The following SNX33 variants were observed in gnomAD, a reference collection of about 807,000 sequenced individuals.
SNX33 encodes the protein sorting nexin-33.
A neutral mutation model predicts 38.8 loss-of-function variants in SNX33; 19 were observed. That is an observed-to-expected ratio of 0.49 (90% confidence interval 0.34 to 0.72). The LOEUF (loss-of-function observed/expected upper bound fraction) is 0.72. Ranked by LOEUF, SNX33 falls within the 30% of genes least tolerant of loss-of-function variation. The pLI, the probability that SNX33 is intolerant of heterozygous loss-of-function variation, is 0.01. For missense variants in SNX33, 641 were observed against 776.4 expected, an observed-to-expected ratio of 0.83 and a Z score of 2.07; for synonymous variants, 246 against 289.7, an observed-to-expected ratio of 0.85 and a Z score of 1.53.
chr15:75,657,278 C>A lies in SNX33; in HGVS notation c.*63C>A. 1 of 1,597,562 alleles carries A rather than the reference C, an allele frequency of 6.3e-7. No individual in the cohort carries two copies. Among genetic ancestry groups the A allele is most frequent in the South Asian group, 1.1e-5 (1 of 89,178 alleles). On this transcript the variant is annotated 3_prime_UTR_variant, in exon 2 of 2. Coordinates refer to ENST00000308527, the MANE Select transcript of SNX33 (RefSeq NM_153271.2). The surrounding 1 kb of genome is among the most constrained non-coding windows in gnomAD (Gnocchi z 5.5). ...GTCACTGCAGTGTACCCCACTTTCC[C>A]GACCTCCCTATACCAGCAGTGACTG... is the stretch of plus-strand genomic sequence containing the variant.
Position 75,649,654 on chromosome 15 carries a change from C to A in SNX33, c.552C>A (p.Asn184Lys). ...KRGSVVGRNLNRFSCFVRSGV... is the reference protein window; with the variant it reads ...KRGSVVGRNLKRFSCFVRSGV... ...GCAGTGTGGTGGGCCGTAACCTCAA[C>A]CGTTTCTCATGCTTTGTGCGTTCTG... The change falls in exon 1 of 2, where the codon AAC (asparagine) becomes AAA (lysine). Residue 184 changes from asparagine to lysine, a missense_variant. Around this residue, in one of 2 missense-constraint regions of SNX33, gnomAD observed 398 missense variants for 542.5 expected, o/e 0.73. Coordinates refer to ENST00000308527, the MANE Select transcript of SNX33 (RefSeq NM_153271.2). The surrounding 1 kb of genome is among the most constrained non-coding windows in gnomAD (Gnocchi z 6.6). 2 of 1,602,436 alleles carry A rather than the reference C, an allele frequency of 1.2e-6. No individual in the cohort carries two copies. Among genetic ancestry groups the A allele is most frequent in the Admixed American group, 1.7e-5 (1 of 58,094 alleles).
intron 1 of SNX33, among the ~76,000 whole-genome samples, chr15:75,653,300 A>G (rs1195785787): frequency 6.6e-6 from 1 of 152,184 alleles, no homozygotes; most frequent in East Asian, 1.9e-4. Context: ...AAGGGTAACC[A>G]TATAATTAAC....
rs1893517864 is a variant in SNX33 at position 75,647,978 on chromosome 15, G to A, written c.-1125G>A. ...GGGTCTGCGAGCGCCGGGGAAGGCA[G>A]GCTGGGGGCGCAGCCCGCCCCCCAC... is the stretch of plus-strand genomic sequence containing the variant. On this transcript the variant is annotated 5_prime_UTR_variant, in exon 1 of 2. Transcript: ENST00000308527. 1.0e-6 allele frequency: 1 copy of A among 985,334 alleles called. No individual in the cohort carries two copies. The highest frequency in any genetic ancestry group is 6.1e-5 in the Admixed American group (1 of 16,270). 61.0% of individuals were successfully genotyped at this position (985,334 alleles called of 1,614,324 possible). A position where few individuals can be genotyped will look rare whatever the true frequency, so the allele number is the denominator to read the frequency against.
In SNX33 at chr15:75,650,050, C is replaced by T. The variant is rs773233325; in HGVS notation, c.948C>T (p.His316=). Residue 316 remains histidine, a synonymous_variant, in exon 1 of 2, where the codon CAC becomes CAT. Transcript: ENST00000308527. This position sits in a 1 kb window ranked among gnomAD's most constrained non-coding sequence, Gnocchi z 6.1. ...GGAGACTCATCCTCTGGATGGACCA[C>T]ATGACCAGCCACCCTGTGCTCTCCC... ...RKRRLILWMD[H]MTSHPVLSQY... is the part of the protein sequence containing the mutation. 1 of 1,612,610 alleles carries T rather than the reference C, an allele frequency of 6.2e-7. No individual in the cohort carries two copies. The highest frequency in any genetic ancestry group is 8.5e-7 in the Non-Finnish European group (1 of 1,179,292).
In SNX33 at chr15:75,649,923, A is replaced by G; in HGVS notation, c.821A>G (p.Tyr274Cys). The change falls in exon 1 of 2, where the codon TAT becomes TGT. Residue 274 changes from tyrosine (Y) to cysteine (C), a missense_variant. By Grantham distance (194) the Tyr-to-Cys change is radical. This residue lies in a region of SNX33 where 398 missense variants were observed against 542.5 expected (regional missense o/e 0.73). Coordinates refer to ENST00000308527, the MANE Select transcript of SNX33 (RefSeq NM_153271.2). This position sits in a 1 kb window ranked among gnomAD's most constrained non-coding sequence, Gnocchi z 6.6. ...CGCTACAAACACTTTGACTGGCTCT[A>G]TAACCGCCTGCTACACAAGTTCACT... ...YRRYKHFDWL[Y>C]NRLLHKFTVI... 4 of 1,597,626 alleles carry G rather than the reference A, an allele frequency of 2.5e-6. No homozygotes were observed. The highest frequency in any genetic ancestry group is 1.1e-5 in the South Asian group (1 of 88,206).
At chr15:75,651,709 G>C (rs1191831193) in intron 1 of SNX33, among the ~76,000 whole-genome samples, 1 of 152,388 alleles carries the variant, frequency 6.6e-6, no homozygotes, top group East Asian at 1.9e-4. Flanking sequence ...CAGGAGAGAG[G>C]TGTGATCCTC....
At chr15:75,655,366 C>T (rs1466408268) in intron 1 of SNX33, among the ~76,000 whole-genome samples, 2 of 152,202 alleles carry the variant, frequency 1.3e-5, no homozygotes, top group Non-Finnish European at 2.9e-5. Flanking sequence ...GGGGTGATCC[C>T]CCTTCTGCTG....
In SNX33 at chr15:75,649,071, C is replaced by A. The variant is rs1320813706; in HGVS notation, c.-32C>A. 2 of 1,549,846 alleles carry A rather than the reference C, an allele frequency of 1.3e-6. No homozygotes were observed. Among genetic ancestry groups the A allele is most frequent in the Non-Finnish European group, 1.7e-6 (2 of 1,146,044 alleles). On this transcript the variant is annotated 5_prime_UTR_variant, in exon 1 of 2. Coordinates refer to ENST00000308527, the MANE Select transcript of SNX33 (RefSeq NM_153271.2). The surrounding 1 kb of genome is among the most constrained non-coding windows in gnomAD (Gnocchi z 6.6). Reference sequence around the variant, plus strand: ...TCCCCGGTCTGGGCAGGACCCTCTCCTTCCCATCTTTCTATACCACCCAGC... The same window carrying A: ...TCCCCGGTCTGGGCAGGACCCTCTCATTCCCATCTTTCTATACCACCCAGC...
At position 75,650,470 on chromosome 15, in the gene SNX33, G is replaced by T. The variant is rs1015086590; in HGVS notation, c.1368G>T (p.Met456Ile). ...GTACCTATGAAGCCATCGGGGAGAT[G>T]TTTGCTGAGCAGCCCAAGAATGACC... ...TGRTYEAIGE[M>I]FAEQPKNDLF... Residue 456 changes from methionine (M) to isoleucine (I), a missense_variant, in exon 1 of 2, where the codon ATG becomes ATT. Met to Ile is a conservative substitution (Grantham distance 10). Around this residue, in one of 2 missense-constraint regions of SNX33, gnomAD observed 398 missense variants for 542.5 expected, o/e 0.73. Coordinates refer to ENST00000308527, the MANE Select transcript of SNX33 (RefSeq NM_153271.2). The surrounding 1 kb of genome is among the most constrained non-coding windows in gnomAD (Gnocchi z 6.1). 1.9e-6 allele frequency: 3 copies of T among 1,614,164 alleles called. No individual in the cohort carries two copies. The highest frequency in any genetic ancestry group is 2.5e-6 in the Non-Finnish European group (3 of 1,180,032).
chr15:75,655,878 C>T (rs564046654), intron 1 of SNX33, among the ~76,000 whole-genome samples: 10 of 152,296 alleles, frequency 6.6e-5, no homozygotes, highest in African/African-American at 2.4e-4. Flanking sequence ...CAGCCCTCGG[C>T]GACTGAGTGC....
Position 75,647,984 on chromosome 15 carries a change from G to C in SNX33, c.-1119G>C. The C allele has an allele frequency of 1.0e-6, 1 of 985,440 alleles. No individual in the cohort carries two copies. The highest frequency in any genetic ancestry group is 1.2e-6 in the Non-Finnish European group (1 of 829,940). The allele number at this position is 985,440 out of a possible 1,614,324, so 61.0% of individuals were successfully genotyped here. A position where few individuals can be genotyped will look rare whatever the true frequency, so the allele number is the denominator to read the frequency against. Reference sequence around the variant, plus strand: ...GCGAGCGCCGGGGAAGGCAGGCTGGGGGCGCAGCCCGCCCCCCACTGGCCG... The same window carrying C: ...GCGAGCGCCGGGGAAGGCAGGCTGGCGGCGCAGCCCGCCCCCCACTGGCCG... On this transcript the variant is annotated 5_prime_UTR_variant, in exon 1 of 2. Transcript: ENST00000308527.
rs1241643653 is a variant in SNX33, at chr15:75,660,291, T to A, written c.*3076T>A. 6.6e-6 allele frequency: 1 copy of A among 152,222 alleles called. No individual in the cohort carries two copies. Among genetic ancestry groups the A allele is most frequent in the Non-Finnish European group, 1.5e-5 (1 of 68,096 alleles). 9.4% of individuals were successfully genotyped at this position (152,222 alleles called of 1,614,324 possible). ...GGAAGCAGACCTCAGATCCTGCATC[T>A]CTTCACCCGCTGGACACAGGAGGGC... On this transcript the variant is annotated 3_prime_UTR_variant, in exon 2 of 2. Coordinates refer to ENST00000308527, the MANE Select transcript of SNX33 (RefSeq NM_153271.2).
rs766163162 is a variant in SNX33 at position 75,649,160 on chromosome 15, A to G, written c.58A>G (p.Ser20Gly). The stretch of plus-strand genomic sequence containing the variant: ...TCACAGTGAGAACAAGGAGGAAATC[A>G]GCATCCAGCAGGATGAGGACCTGGT... Reference protein sequence around the residue: ...DFHSENKEEISIQQDEDLVIF... With the variant: ...DFHSENKEEIGIQQDEDLVIF... Residue 20 changes from serine (S) to glycine (G), a missense_variant, in exon 1 of 2, where the codon AGC becomes GGC. Physicochemically the swap from Ser to Gly is moderately conservative, Grantham distance 56. Coordinates refer to ENST00000308527, the MANE Select transcript of SNX33 (RefSeq NM_153271.2). This position sits in a 1 kb window ranked among gnomAD's most constrained non-coding sequence, Gnocchi z 6.6. The G allele has an allele frequency of 3.1e-6, 5 of 1,613,268 alleles. No homozygotes were observed. The highest frequency in any genetic ancestry group is 4.2e-6 in the Non-Finnish European group (5 of 1,179,488).
chr15:75,654,704 A>G (rs2141399117), intron 1 of SNX33, among the ~76,000 whole-genome samples: 1 of 152,314 alleles, frequency 6.6e-6, no homozygotes, highest in Non-Finnish European at 1.5e-5. Flanking sequence ...CATTAGCATT[A>G]GCTGGTCCTG....
Position 75,657,349 on chromosome 15 carries a change from C to G in SNX33, c.*134C>G. 6.9e-7 allele frequency: 1 copy of G among 1,443,448 alleles called. No homozygotes were observed. The highest frequency in any genetic ancestry group is 9.4e-7 in the Non-Finnish European group (1 of 1,067,676). The allele number at this position is 1,443,448 out of a possible 1,614,324, so 89.4% of individuals were successfully genotyped here. A position where few individuals can be genotyped will look rare whatever the true frequency, so the allele number is the denominator to read the frequency against. On this transcript the variant is annotated 3_prime_UTR_variant, in exon 2 of 2. Coordinates refer to ENST00000308527, the MANE Select transcript of SNX33 (RefSeq NM_153271.2). The surrounding 1 kb of genome is among the most constrained non-coding windows in gnomAD (Gnocchi z 5.5). ...GGAGATAAGCGGCCTGTCCTGCCTCCTGGGAGAAGGAGCTTTCAAGGAGTC... is the reference window on the plus strand; with the variant it reads ...GGAGATAAGCGGCCTGTCCTGCCTCGTGGGAGAAGGAGCTTTCAAGGAGTC...
chr15:75,656,929 C>A, intron 1 of SNX33, 33 bp from the exon 2 acceptor site: 1 of 1,599,932 alleles, frequency 6.3e-7, no homozygotes, highest in Non-Finnish European at 8.5e-7. Context: ...GATCAGAGCC[C>A]TCACACGCTG....
intron 1 of SNX33, among the ~76,000 whole-genome samples, chr15:75,656,594 A>G (rs1893654523): frequency 6.6e-6 from 1 of 152,154 alleles, no homozygotes; most frequent in Non-Finnish European, 1.5e-5. Context: ...GAATCAGTTC[A>G]GCAGGCCTAT....
chr15:75,649,051 G>T lies in SNX33; in HGVS notation c.-52G>T. 3 of 1,525,028 alleles carry T rather than the reference G, an allele frequency of 2.0e-6. No homozygotes were observed. Among genetic ancestry groups the T allele is most frequent in the Non-Finnish European group, 2.6e-6 (3 of 1,135,076 alleles). 94.5% of individuals were successfully genotyped at this position (1,525,028 alleles called of 1,614,324 possible). On this transcript the variant is annotated 5_prime_UTR_variant, in exon 1 of 2. Coordinates refer to ENST00000308527, the MANE Select transcript of SNX33 (RefSeq NM_153271.2). The surrounding 1 kb of genome is among the most constrained non-coding windows in gnomAD (Gnocchi z 6.6). ...CTTGGACTGCCTTGTGAGCATCCCC[G>T]GTCTGGGCAGGACCCTCTCCTTCCC...
chr15:75,652,298 G>A (rs1302474260), intron 1 of SNX33, among the ~76,000 whole-genome samples: 1 of 152,224 alleles, frequency 6.6e-6, no homozygotes, highest in African/African-American at 2.4e-5. Context: ...GAGTAGGGCA[G>A]GGGAGGTGGC....
Sources: allele counts gnomAD v4.1 joint callset (sites outside exome capture counted in the v4.1 genomes callset), GRCh38; gene constraint gnomAD v4.1.1; regional missense constraint gnomAD v4.1.1; non-coding constraint Gnocchi (gnomAD v3.1); transcripts MANE v1.5; gene names NCBI Gene and HGNC (gene_info 2026-07-23, HGNC 2026-07-21).